Variants in FAF1 observed in about 807,000 individuals in gnomAD.
FAF1 encodes the protein Fas associated factor 1, also known as FAS-associated factor 1.
FAF1 carries 25 observed loss-of-function variants against 92.5 expected under a neutral mutation model. That is an observed-to-expected ratio of 0.27 (90% CI 0.20 to 0.38). FAF1 has a LOEUF of 0.38. Among genes scored for constraint, FAF1 ranks in the 10% least tolerant of loss-of-function variants. The pLI, the probability that FAF1 is intolerant of heterozygous loss-of-function variation, is 1.00. For missense variants in FAF1, 636 were observed against 793.3 expected, an observed-to-expected ratio of 0.80 and a Z score of 2.38; for synonymous variants, 234 against 273.2, an observed-to-expected ratio of 0.86 and a Z score of 1.42.
chr1:50,463,297 T>G (rs920916324), intron 18 of FAF1, among the ~76,000 whole-genome samples: 1 of 152,178 alleles, frequency 6.6e-6, no homozygotes, highest in Non-Finnish European at 1.5e-5. Flanking sequence ...TGGAAGGTTG[T>G]GCCTGGTTTC....
At chr1:50,928,070 G>A (rs2124740739) in intron 1 of FAF1, among the ~76,000 whole-genome samples, 1 of 152,296 alleles carries the variant, frequency 6.6e-6, no homozygotes, top group Admixed American at 6.5e-5. Context: ...GCTGAGGTGA[G>A]GATCTGGATG....
intron 7 of FAF1, among the ~76,000 whole-genome samples, chr1:50,675,720 T>C (rs1656089625): frequency 6.6e-6 from 1 of 152,108 alleles, no homozygotes. Flanking sequence ...GCAGGAGAAA[T>C]ACAAAGATAG....
chr1:50,938,903 C>T (rs1645107998), intron 1 of FAF1, among the ~76,000 whole-genome samples: 1 of 152,156 alleles, frequency 6.6e-6, no homozygotes, highest in African/African-American at 2.4e-5. Flanking sequence ...TCTGAGTTTT[C>T]TATTCTGTTC....
At chr1:50,715,033 T>C (rs1229046906) in intron 6 of FAF1, 2 of 431,084 alleles carry the variant, frequency 4.6e-6, no homozygotes, top group Non-Finnish European at 9.2e-6. Context: ...AATATATATC[T>C]ATTTGCATTA....
intron 12 of FAF1, among the ~76,000 whole-genome samples, chr1:50,569,128 A>T (rs1225076386): frequency 6.6e-6 from 1 of 152,140 alleles, no homozygotes. Context: ...TGTTAGAGAG[A>T]TACTTATCTA....
At chr1:50,589,587 A>G (rs911082715) in intron 9 of FAF1, among the ~76,000 whole-genome samples, 1 of 152,170 alleles carries the variant, frequency 6.6e-6, no homozygotes, top group African/African-American at 2.4e-5. Context: ...ATCCCATATC[A>G]GATGTATGAT....
chr1:50,707,120 A>G (rs535078663), intron 6 of FAF1, among the ~76,000 whole-genome samples: 184 of 151,068 alleles, frequency 1.2e-3, no homozygotes, highest in African/African-American at 4.2e-3. Flanking sequence ...GAGGAATGGC[A>G]TGAACCTGGG....
chr1:50,804,777 G>A (rs952136576), intron 2 of FAF1, among the ~76,000 whole-genome samples: 10 of 152,088 alleles, frequency 6.6e-5, no homozygotes, highest in African/African-American at 2.4e-4. Flanking sequence ...CCACAGGAAA[G>A]AGAGACAAAA....
chr1:50,602,421 T>C (rs1652183781), intron 8 of FAF1, among the ~76,000 whole-genome samples: 1 of 152,100 alleles, frequency 6.6e-6, no homozygotes, highest in Non-Finnish European at 1.5e-5. Context: ...AAATGTATGG[T>C]TTATTACAGG....
chr1:50,508,035 C>A (rs1000095246), intron 15 of FAF1, among the ~76,000 whole-genome samples: 8 of 152,118 alleles, frequency 5.3e-5, no homozygotes, highest in South Asian at 2.1e-4. Context: ...AAACCACAAA[C>A]AAGATACCAC....
At chr1:50,933,934 G>A (rs1007733157) in intron 1 of FAF1, among the ~76,000 whole-genome samples, 3 of 152,124 alleles carry the variant, frequency 2.0e-5, no homozygotes, top group African/African-American at 7.2e-5. Context: ...AGAATAGCAA[G>A]GGAAAGACCA....
At chr1:50,936,174 C>A (rs1645083510) in intron 1 of FAF1, among the ~76,000 whole-genome samples, 1 of 152,100 alleles carries the variant, frequency 6.6e-6, no homozygotes, top group Admixed American at 6.6e-5. Flanking sequence ...AGGAAGCATG[C>A]CAGGTACCAG....
intron 18 of FAF1, among the ~76,000 whole-genome samples, chr1:50,445,312 C>A (rs1287717874): frequency 6.6e-6 from 1 of 152,024 alleles, no homozygotes; most frequent in African/African-American, 2.4e-5. Context: ...AATTATTATC[C>A]CCATTAAGCC....
At chr1:50,494,233 G>A (rs567375792) in intron 15 of FAF1, among the ~76,000 whole-genome samples, 1 of 152,260 alleles carries the variant, frequency 6.6e-6, no homozygotes, top group East Asian at 1.9e-4. Flanking sequence ...CTCCAATTTT[G>A]AGAGAGAAAA....
At chr1:50,738,443 C>CA (rs533056212) in intron 6 of FAF1, among the ~76,000 whole-genome samples, 35,990 of 78,478 alleles carry the variant, frequency 0.46, 6,607 homozygotes, top group Middle Eastern at 0.59. Context: ...AACTCCGTCG[C>CA]AAAAAAAAAA....
intron 7 of FAF1, among the ~76,000 whole-genome samples, chr1:50,688,744 G>A (rs191525462): frequency 1.3e-4 from 20 of 152,228 alleles, no homozygotes; most frequent in East Asian, 5.8e-4. Flanking sequence ...CCCGGGAGGC[G>A]GAGGTTGCGG....
chr1:50,554,390 T>G (rs34024738), intron 13 of FAF1, among the ~76,000 whole-genome samples: 64,260 of 94,854 alleles, frequency 0.68, 22,183 homozygotes, highest in East Asian at 0.86. Flanking sequence ...TATATATATA[T>G]AGAGAGAGAG....
chr1:50,571,670 C>T (rs12131304), intron 12 of FAF1, among the ~76,000 whole-genome samples: 10,835 of 152,238 alleles, frequency 0.071, 420 homozygotes, highest in African/African-American at 0.098. Context: ...CTAATCTTCA[C>T]ATTCAAATCC....
rs980357346 is a variant in FAF1, at chr1:50,634,245, CA to C, written c.744+21196del. Reference sequence around the variant, plus strand: ...TAAGCACCCCTCTATTTTTGCACATCAAAAAAAAAAAGAATTTCTGTTACCT... The same window carrying C: ...TAAGCACCCCTCTATTTTTGCACATCAAAAAAAAAAGAATTTCTGTTACCT... On this transcript the variant is annotated intron_variant, in intron 8 of 18. Coordinates refer to ENST00000396153, the MANE Select transcript of FAF1 (RefSeq NM_007051.3). Among the ~76,000 whole-genome samples, 446 of 139,524 alleles carry C rather than the reference CA, an allele frequency of 3.2e-3. 1 individual carries two copies. Among genetic ancestry groups the C allele is most frequent in the African/African-American group, 8.4e-3 (323 of 38,234 alleles). 91.5% of individuals were successfully genotyped at this position (139,524 alleles called of 152,430 possible). A position where few individuals can be genotyped will look rare whatever the true frequency, so the allele number is the denominator to read the frequency against.
Sources: allele counts gnomAD v4.1 joint callset (sites outside exome capture counted in the v4.1 genomes callset), GRCh38; gene constraint gnomAD v4.1.1; transcripts MANE v1.5; gene names NCBI Gene and HGNC (gene_info 2026-07-23, HGNC 2026-07-21).